The following GRIA2 variants were observed in gnomAD, a reference collection of about 807,000 sequenced individuals.
GRIA2 encodes the protein glutamate ionotropic receptor AMPA type subunit 2.
A neutral mutation model predicts 97.3 loss-of-function variants in GRIA2; 14 were observed. That is an observed-to-expected ratio of 0.14 (90% CI 0.10 to 0.23). The LOEUF (loss-of-function observed/expected upper bound fraction) is 0.23. GRIA2 is among the 10% of genes least tolerant of loss of function. GRIA2 has a pLI of 1.00. For missense variants in GRIA2, 558 were observed against 1,069.8 expected (o/e 0.52, Z 6.67); for synonymous variants, 412 against 387.8 (o/e 1.06, Z -0.73).
At chr4:157,288,976 A>G (rs866920782) in intron 2 of GRIA2, among the ~76,000 whole-genome samples, 1 of 151,960 alleles carries the variant, frequency 6.6e-6, no homozygotes, top group Non-Finnish European at 1.5e-5. Flanking sequence ...TTAAAAAATC[A>G]TTTGTTCCCT....
At chr4:157,269,022 A>G (rs1164881592) in intron 2 of GRIA2, among the ~76,000 whole-genome samples, 1 of 152,128 alleles carries the variant, frequency 6.6e-6, no homozygotes, top group African/African-American at 2.4e-5. Context: ...ATTATGTGTT[A>G]TGTATACTTA....
intron 2 of GRIA2, among the ~76,000 whole-genome samples, chr4:157,248,279 T>C (rs1354946636): frequency 6.6e-6 from 1 of 151,220 alleles, no homozygotes; most frequent in African/African-American, 2.4e-5. Context: ...TGTGAGTAAA[T>C]GTGTCAGTTG....
chr4:157,341,550 G>T, intron 12 of GRIA2, 88 bp downstream of exon 12: 1 of 879,388 alleles, frequency 1.1e-6, no homozygotes, highest in Non-Finnish European at 1.9e-6. Context: ...CAATTCCAAG[G>T]TACTATGTGA....
chr4:157,296,153 A>C (rs1733339369), intron 2 of GRIA2, among the ~76,000 whole-genome samples: 1 of 152,294 alleles, frequency 6.6e-6, no homozygotes, highest in African/African-American at 2.4e-5. Context: ...TAAAATAATA[A>C]AATTTCACAA....
chr4:157,350,326 A>C (rs1468410843), intron 12 of GRIA2, among the ~76,000 whole-genome samples: 1 of 152,112 alleles, frequency 6.6e-6, no homozygotes, highest in African/African-American at 2.4e-5. Context: ...ATATATTTTA[A>C]TTGCAAGTTT....
intron 6 of GRIA2, among the ~76,000 whole-genome samples, chr4:157,329,290 G>T (rs988433750): frequency 6.6e-6 from 1 of 151,900 alleles, no homozygotes; most frequent in African/African-American, 2.4e-5. Flanking sequence ...ATGAAACTGA[G>T]AATTAATATT....
intron 2 of GRIA2, among the ~76,000 whole-genome samples, chr4:157,298,120 T>C (rs1271978775): frequency 6.6e-6 from 1 of 151,948 alleles, no homozygotes; most frequent in Admixed American, 6.6e-5. Context: ...AAGACTAATA[T>C]GACAAGAGTG....
chr4:157,243,282 C>A (rs1730584983), intron 2 of GRIA2, among the ~76,000 whole-genome samples: 1 of 151,904 alleles, frequency 6.6e-6, no homozygotes, highest in South Asian at 2.1e-4. Context: ...TTGATTTGAG[C>A]CAGTTTAGGC....
chr4:157,237,322 A>G (rs570755577), intron 2 of GRIA2, among the ~76,000 whole-genome samples: 7 of 147,396 alleles, frequency 4.7e-5, no homozygotes, highest in East Asian at 2.0e-4. Flanking sequence ...TGAAAGTCTC[A>G]TTCTGTCATC....
chr4:157,298,446 A>C (rs1733453318), intron 2 of GRIA2, among the ~76,000 whole-genome samples: 1 of 152,080 alleles, frequency 6.6e-6, no homozygotes, highest in Admixed American at 6.6e-5. Flanking sequence ...GGCAATAGTT[A>C]TCATGCATGA....
chr4:157,341,375 T>A lies in GRIA2; in HGVS notation c.1956T>A (p.Ser652=), dbSNP rs1369422133. Residue 652 remains serine, a synonymous_variant, in exon 12 of 16, where the codon TCT becomes TCA. Coordinates refer to ENST00000264426, the MANE Select transcript of GRIA2 (RefSeq NM_001083619.3). Reference sequence around the variant, plus strand: ...TCCTGACTGTAGAGAGGATGGTGTCTCCCATCGAAAGTGCTGAGGATCTTT... The same window carrying A: ...TCCTGACTGTAGAGAGGATGGTGTCACCCATCGAAAGTGCTGAGGATCTTT... The part of the protein sequence containing the change: ...AAFLTVERMV[S]PIESAEDLSK... 1 of 1,611,864 alleles carries A rather than the reference T, an allele frequency of 6.2e-7. No individual in the cohort carries two copies. The highest frequency in any genetic ancestry group is 2.2e-5 in the East Asian group (1 of 44,842).
intron 2 of GRIA2, among the ~76,000 whole-genome samples, chr4:157,255,440 T>G (rs1273773339): frequency 2.0e-5 from 3 of 152,074 alleles, no homozygotes; most frequent in Non-Finnish European, 4.4e-5. Context: ...GATTGCTGGA[T>G]AAAATCCTAG....
At chr4:157,317,505 TA>T (rs1442088774) in intron 4 of GRIA2, among the ~76,000 whole-genome samples, 152 bp from the exon 5 acceptor site, 1 of 152,184 alleles carries the variant, frequency 6.6e-6, no homozygotes, top group Non-Finnish European at 1.5e-5. Context: ...CTAATTTTGA[TA>T]ATTATATTTT....
At chr4:157,308,416 T>C (rs1733933634) in intron 3 of GRIA2, among the ~76,000 whole-genome samples, 2 of 152,360 alleles carry the variant, frequency 1.3e-5, no homozygotes, top group South Asian at 4.1e-4. Context: ...AGTTTAGAAC[T>C]TACTTTTAGA....
At chr4:157,295,336 G>A (rs757736988) in intron 2 of GRIA2, among the ~76,000 whole-genome samples, 6 of 152,046 alleles carry the variant, frequency 3.9e-5, no homozygotes, top group South Asian at 2.1e-4. Context: ...AGATCAAAAC[G>A]TATGCAAAAG....
At chr4:157,221,844 C>T (rs1729509787) in intron 2 of GRIA2, 37 bp downstream of exon 2, 3 of 1,600,310 alleles carry the variant, frequency 1.9e-6, no homozygotes, top group Non-Finnish European at 2.6e-6. Flanking sequence ...GGGTGCTGCA[C>T]GCGGAAGGCC....
chr4:157,360,925 C>T (rs1579394472), intron 13 of GRIA2, 85 bp from the exon 14 acceptor site: 2 of 984,538 alleles, frequency 2.0e-6, no homozygotes, highest in East Asian at 5.2e-5. Context: ...GCCACAGAAG[C>T]CAAAGAAAAA....
intron 2 of GRIA2, among the ~76,000 whole-genome samples, chr4:157,227,322 T>C (rs1205067193): frequency 1.3e-5 from 2 of 152,274 alleles, no homozygotes; most frequent in South Asian, 4.1e-4. Context: ...TCATAATCTC[T>C]TCCAATAACA....
At chr4:157,225,600 G>T (rs1460275834) in intron 2 of GRIA2, among the ~76,000 whole-genome samples, 1 of 148,580 alleles carries the variant, frequency 6.7e-6, no homozygotes, top group Non-Finnish European at 1.5e-5. Flanking sequence ...GAGAATAAAT[G>T]ACTGCTTTTT....
Sources: allele counts gnomAD v4.1 joint callset (sites outside exome capture counted in the v4.1 genomes callset), GRCh38; gene constraint gnomAD v4.1.1; transcripts MANE v1.5; gene names NCBI Gene and HGNC (gene_info 2026-07-23, HGNC 2026-07-21).